The following LRRC74A variants were observed in gnomAD, a reference collection of about 807,000 sequenced individuals.
LRRC74A encodes the protein leucine rich repeat containing 74A.
LRRC74A carries 44 observed loss-of-function variants against 57.9 expected under a neutral mutation model. The observed-to-expected ratio is 0.76, with a 90% CI of 0.60 to 0.98. The LOEUF (loss-of-function observed/expected upper bound fraction) is 0.98. LRRC74A is among the 50% of genes least tolerant of loss of function. The pLI is 0.00. For synonymous variants in LRRC74A, 211 were observed against 219.4 expected (o/e 0.96, Z 0.34); for missense variants, 572 against 574.0 (o/e 1.00, Z 0.04).
chr14:76,853,419 C>T lies in LRRC74A; in HGVS notation c.957+9C>T. On this transcript the variant is annotated intron_variant, in intron 9 of 13. Transcript: ENST00000689127. ...GCCTCAGAGTTCTGAAGGTAGTCTTCAGCTGGAAAGGGTGTGTGTGTGTGT... is the reference window on the plus strand; with the variant it reads ...GCCTCAGAGTTCTGAAGGTAGTCTTTAGCTGGAAAGGGTGTGTGTGTGTGT... 1.1e-5 allele frequency: 14 copies of T among 1,251,642 alleles called. No homozygotes were observed. The highest frequency in any genetic ancestry group is 1.5e-5 in the Non-Finnish European group (14 of 917,836). The allele number at this position is 1,251,642 out of a possible 1,614,324, so 77.5% of individuals were successfully genotyped here.
At position 76,838,535 on chromosome 14, in the gene LRRC74A, G is replaced by A. The variant is rs372299647; in HGVS notation, c.544+564G>A. Among the ~76,000 whole-genome samples, 3 of 152,262 alleles carry A rather than the reference G, an allele frequency of 2.0e-5. No individual in the cohort carries two copies. In the South Asian group the frequency reaches 6.2e-4, roughly 32 times the overall value. On this transcript the variant is annotated intron_variant, in intron 5 of 13. Coordinates refer to ENST00000689127, the MANE Select transcript of LRRC74A (RefSeq NM_001385106.1). Reference sequence around the variant, plus strand: ...AATATAAAAGATAAAAGAATGAAATGAATGACTAGTTTCCAGAAGGAGAAG... The same window carrying A: ...AATATAAAAGATAAAAGAATGAAATAAATGACTAGTTTCCAGAAGGAGAAG...
chr14:76,838,798 A>G (rs1022596485), intron 5 of LRRC74A, among the ~76,000 whole-genome samples: 3 of 152,204 alleles, frequency 2.0e-5, no homozygotes, highest in African/African-American at 7.2e-5. Flanking sequence ...TCCCCATCTC[A>G]CCATGTTGTC....
chr14:76,838,880 C>T (rs1051322900), intron 5 of LRRC74A, among the ~76,000 whole-genome samples: 16 of 152,212 alleles, frequency 1.1e-4, no homozygotes, highest in African/African-American at 3.6e-4. Flanking sequence ...GGATTACAGG[C>T]ATAAGCCACC....
At chr14:76,868,082 G>T (rs1248627913) in intron 13 of LRRC74A, among the ~76,000 whole-genome samples, 1 of 152,204 alleles carries the variant, frequency 6.6e-6, no homozygotes, top group Non-Finnish European at 1.5e-5. Flanking sequence ...CAATAGGCAC[G>T]CTCTGCAGCC....
chr14:76,836,391 T>C, intron 4 of LRRC74A, 77 bp downstream of exon 4: 1 of 1,106,022 alleles, frequency 9.0e-7, no homozygotes, highest in East Asian at 2.6e-5. Flanking sequence ...CCAGAGGCCC[T>C]GCCAGGACCC....
At chr14:76,835,902 C>T (rs1015627259) in intron 3 of LRRC74A, among the ~76,000 whole-genome samples, 1 of 152,212 alleles carries the variant, frequency 6.6e-6, no homozygotes. Flanking sequence ...GAGTAGGTCA[C>T]AGTTCTGTCC....
Position 76,844,346 on chromosome 14 carries a change from C to T in LRRC74A, c.545-77C>T, listed in dbSNP as rs780912912. 16 of 1,334,730 alleles carry T rather than the reference C, an allele frequency of 1.2e-5. No individual in the cohort carries two copies. The East Asian group carries it at 3.9e-4, about 32-fold the overall frequency. 82.7% of individuals were successfully genotyped at this position (1,334,730 alleles called of 1,614,324 possible). A position where few individuals can be genotyped will look rare whatever the true frequency, so the allele number is the denominator to read the frequency against. On this transcript the variant is annotated intron_variant, in intron 5 of 13. Transcript: ENST00000689127. ...TTCGATTGTTCTAAAGGGAAGTGGA[C>T]TGGGAGGGGCAGGGGGTGGGAGAGG...
chr14:76,846,134 TA>T (rs1479523299), intron 7 of LRRC74A, among the ~76,000 whole-genome samples: 7 of 152,170 alleles, frequency 4.6e-5, no homozygotes, highest in African/African-American at 1.7e-4. Context: ...TAGACAATGA[TA>T]AATAGCCTCA....
At chr14:76,860,297 A>G (rs1321286266) in intron 10 of LRRC74A, among the ~76,000 whole-genome samples, 5 of 152,148 alleles carry the variant, frequency 3.3e-5, no homozygotes, top group Non-Finnish European at 7.3e-5. Context: ...ACTTATTGGA[A>G]TCAGGGATCC....
chr14:76,864,759 C>A (rs1898639927), intron 11 of LRRC74A, among the ~76,000 whole-genome samples: 1 of 152,072 alleles, frequency 6.6e-6, no homozygotes, highest in African/African-American at 2.4e-5. Context: ...GAGGCTGAGG[C>A]AGGAGAATTG....
chr14:76,856,721 TGGATGAGCAGTG>T (rs1281899895), intron 9 of LRRC74A, among the ~76,000 whole-genome samples: 1 of 149,928 alleles, frequency 6.7e-6, no homozygotes, highest in Non-Finnish European at 1.5e-5. Context: ...GATGGATGGA[TGGATGAGCAGTG>T]AGATGGATAA....
In LRRC74A at chr14:76,836,333, C is replaced by G; in HGVS notation, c.447+19C>G. 2 of 1,541,946 alleles carry G rather than the reference C, an allele frequency of 1.3e-6. No individual in the cohort carries two copies. On this transcript the variant is annotated intron_variant, in intron 4 of 13. Coordinates refer to ENST00000689127, the MANE Select transcript of LRRC74A (RefSeq NM_001385106.1). ...GGAGATGGTACTGTGCCCCCCTGTG[C>G]TGGCTCTTACCATCATCCCTGGGGA...
intron 11 of LRRC74A, among the ~76,000 whole-genome samples, chr14:76,865,553 C>T (rs186678825): frequency 9.2e-5 from 14 of 152,300 alleles, no homozygotes; most frequent in Admixed American, 3.3e-4. Context: ...TCTGAACATC[C>T]GCGCGCCATC....
chr14:76,852,516 C>T, intron 8 of LRRC74A, 66 bp downstream of exon 8: 1 of 1,222,584 alleles, frequency 8.2e-7, no homozygotes, highest in Non-Finnish European at 1.2e-6. Flanking sequence ...CCCATCCTGC[C>T]ATCCTAAGCC....
intron 2 of LRRC74A, 120 bp from the exon 3 acceptor site, chr14:76,831,083 C>T (rs994085118): frequency 4.9e-6 from 5 of 1,021,696 alleles, no homozygotes; most frequent in Non-Finnish European, 7.2e-6. Context: ...TAGCACATAC[C>T]CACAGGGAGA....
At chr14:76,851,001 AC>A (rs1897444003) in intron 7 of LRRC74A, among the ~76,000 whole-genome samples, 2 of 152,220 alleles carry the variant, frequency 1.3e-5, no homozygotes, top group Non-Finnish European at 1.5e-5. Flanking sequence ...CCTTGGCATA[AC>A]TGCCCTCCCC....
intron 2 of LRRC74A, chr14:76,828,988 C>T: frequency 1.6e-6 from 2 of 1,287,088 alleles, no homozygotes; most frequent in South Asian, 2.5e-5. Context: ...GTTTCCCCTA[C>T]TTTTCTTGAT....
chr14:76,855,502 G>C (rs929362358), intron 9 of LRRC74A, among the ~76,000 whole-genome samples: 11 of 152,194 alleles, frequency 7.2e-5, no homozygotes, highest in African/African-American at 2.7e-4. Context: ...AAATGTTTTA[G>C]AAGTAAAAGA....
intron 5 of LRRC74A, 78 bp downstream of exon 5, chr14:76,838,049 C>G: frequency 5.4e-6 from 5 of 921,080 alleles, no homozygotes; most frequent in Non-Finnish European, 8.5e-6. Flanking sequence ...AATTCAATGT[C>G]TCATTGAACC....
Sources: allele counts gnomAD v4.1 joint callset (sites outside exome capture counted in the v4.1 genomes callset), GRCh38; gene constraint gnomAD v4.1.1; transcripts MANE v1.5; gene names NCBI Gene and HGNC (gene_info 2026-07-23, HGNC 2026-07-21).